FBXO3: variants seen among roughly 807,000 people sequenced by gnomAD.
FBXO3 encodes the protein F-box only protein 3.
In FBXO3, 17 loss-of-function variants were observed where a neutral mutation model predicts 64.8. The observed-to-expected ratio is 0.26, with a 90% CI of 0.18 to 0.39. The LOEUF is 0.39. Ranked by LOEUF, FBXO3 falls within the 10% of genes least tolerant of loss-of-function variation. The pLI, the probability that FBXO3 is intolerant of heterozygous loss-of-function variation, is 1.00. For missense variants in FBXO3, 420 were observed against 589.9 expected (o/e 0.71, Z 2.98); for synonymous variants, 182 against 201.6 (o/e 0.90, Z 0.82).
At chr11:33,749,098 A>C (rs1854888727) in intron 8 of FBXO3, among the ~76,000 whole-genome samples, 1 of 152,190 alleles carries the variant, frequency 6.6e-6, no homozygotes, top group African/African-American at 2.4e-5. Flanking sequence ...AAATGCTTTC[A>C]CTCAACTTAT....
rs1854745170 is a variant in FBXO3 at position 33,743,747 on chromosome 11, C to T, written c.1240-1663G>A. 6.6e-6 allele frequency: 1 copy of T among 152,306 alleles called. No homozygotes were observed. The highest frequency in any genetic ancestry group is 1.5e-5 in the Non-Finnish European group (1 of 68,090). 9.4% of individuals were successfully genotyped at this position (152,306 alleles called of 1,614,324 possible). On this transcript the variant is annotated intron_variant, in intron 10 of 10. Coordinates refer to ENST00000265651, the MANE Select transcript of FBXO3 (RefSeq NM_012175.4). This position sits in a 1 kb window ranked among gnomAD's most constrained non-coding sequence, Gnocchi z 4.6. ...ACATATCCACCTAATTCCCTCTGCT[C>T]CTTTCACGTTTCAGCTTAAATGTCA...
chr11:33,760,341 C>A (rs544395880), intron 3 of FBXO3, among the ~76,000 whole-genome samples: 1 of 152,106 alleles, frequency 6.6e-6, no homozygotes, highest in African/African-American at 2.4e-5. Flanking sequence ...GCTAAATTCT[C>A]TGCAGAAACA....
chr11:33,750,848 A>G (rs1564987594), intron 7 of FBXO3, among the ~76,000 whole-genome samples, 187 bp from the exon 8 acceptor site: 1 of 152,182 alleles, frequency 6.6e-6, no homozygotes, highest in African/African-American at 2.4e-5. Context: ...AACCTTGGTG[A>G]CTCTGGATCA....
chr11:33,756,304 C>G (rs1855095327), intron 4 of FBXO3, among the ~76,000 whole-genome samples: 1 of 152,148 alleles, frequency 6.6e-6, no homozygotes, highest in Non-Finnish European at 1.5e-5. Flanking sequence ...GTATGTGTGG[C>G]CAATTTAATG....
At chr11:33,750,189 C>T (rs1042404564) in intron 8 of FBXO3, among the ~76,000 whole-genome samples, 1 of 151,968 alleles carries the variant, frequency 6.6e-6, no homozygotes, top group Non-Finnish European at 1.5e-5. Flanking sequence ...TATAAATAGG[C>T]CAGATGAAAT....
chr11:33,755,993 T>A lies in FBXO3; in HGVS notation c.474-18A>T. 10 of 1,607,276 alleles carry A rather than the reference T, an allele frequency of 6.2e-6. No homozygotes were observed. The highest frequency in any genetic ancestry group is 7.7e-6 in the Non-Finnish European group (9 of 1,174,204). ...CCAATAACCTGAGGAGCATACAGAC[T>A]CAAACATGTAATACACGGCAGTGCC... On this transcript the variant is annotated intron_variant, in intron 4 of 10. Coordinates refer to ENST00000265651, the MANE Select transcript of FBXO3 (RefSeq NM_012175.4).
At chr11:33,762,692 T>A (rs1360134618) in intron 3 of FBXO3, among the ~76,000 whole-genome samples, 2 of 144,466 alleles carry the variant, frequency 1.4e-5, no homozygotes, top group African/African-American at 2.5e-5. Context: ...TAAGAAAGGC[T>A]GAAAATCTAT....
chr11:33,750,014 C>G (rs1362960929), intron 8 of FBXO3, among the ~76,000 whole-genome samples: 1 of 151,884 alleles, frequency 6.6e-6, no homozygotes, highest in East Asian at 1.9e-4. Context: ...GCACAGTATC[C>G]TTAATCCCTT....
At chr11:33,757,972 G>T (rs192667220) in intron 4 of FBXO3, among the ~76,000 whole-genome samples, 3,347 of 149,220 alleles carry the variant, frequency 0.022, 63 homozygotes, top group Non-Finnish European at 0.039. Context: ...AAAAAAAAAA[G>T]TTCCACAATA....
chr11:33,758,969 T>G (rs117108225), intron 3 of FBXO3, among the ~76,000 whole-genome samples: 3,408 of 151,926 alleles, frequency 0.022, 65 homozygotes, highest in Non-Finnish European at 0.039. Flanking sequence ...TCTAAACTGA[T>G]GTTATTTAAG....
chr11:33,768,800 T>C, intron 3 of FBXO3, 51 bp downstream of exon 3: 1 of 1,604,260 alleles, frequency 6.2e-7, no homozygotes, highest in Non-Finnish European at 8.5e-7. Flanking sequence ...AACTAACCTA[T>C]TTATACTAAC....
Position 33,747,254 on chromosome 11 carries a change from G to A in FBXO3, c.1115C>T (p.Thr372Ile). The A allele has an allele frequency of 1.2e-6, 2 of 1,613,478 alleles. No homozygotes were observed. The highest frequency in any genetic ancestry group is 1.7e-6 in the Non-Finnish European group (2 of 1,179,832). Residue 372 changes from threonine (T) to isoleucine (I), a missense_variant, in exon 10 of 11, where the codon ACA becomes ATA. Around this residue, in one of 3 missense-constraint regions of FBXO3, gnomAD observed 337 missense variants for 518.4 expected, o/e 0.65. Transcript: ENST00000265651. ...ATAATATCCTTCCATGTATCCTGAT[G>A]TTGTAGAGAATGTGGTACAGCTTGT... is the stretch of plus-strand genomic sequence containing the variant. The part of the protein sequence containing the change: ...EYTSCTTFST[T>I]SGYMEGYYTF...
At chr11:33,755,745 C>A in intron 5 of FBXO3, 26 bp downstream of exon 5, 1 of 1,553,606 alleles carries the variant, frequency 6.4e-7, no homozygotes, top group South Asian at 1.1e-5. Context: ...ATCTTAATGC[C>A]ATATTTAAAC....
intron 2 of FBXO3, among the ~76,000 whole-genome samples, chr11:33,769,389 A>G (rs560112259): frequency 6.6e-6 from 1 of 152,322 alleles, no homozygotes; most frequent in South Asian, 2.1e-4. Context: ...TTGTGATATA[A>G]TAATATTAAT....
intron 10 of FBXO3, 96 bp from the exon 11 acceptor site, chr11:33,742,180 G>A: frequency 8.5e-7 from 1 of 1,170,404 alleles, no homozygotes; most frequent in African/African-American, 1.6e-5. Context: ...CAAACAACCA[G>A]ACACGCCAAA....
chr11:33,770,244 G>T (rs1420551563), intron 2 of FBXO3, among the ~76,000 whole-genome samples: 2 of 152,140 alleles, frequency 1.3e-5, no homozygotes, highest in African/African-American at 4.8e-5. Flanking sequence ...TTAAACCTCT[G>T]CTTCTTACTT....
intron 7 of FBXO3, 144 bp downstream of exon 7, chr11:33,751,379 G>C: frequency 1.7e-6 from 1 of 583,664 alleles, no homozygotes; most frequent in Non-Finnish European, 3.0e-6. Context: ...AAAATAGTGA[G>C]ACTGAAGACA....
At chr11:33,749,465 A>G (rs966661933) in intron 8 of FBXO3, among the ~76,000 whole-genome samples, 4 of 150,986 alleles carry the variant, frequency 2.6e-5, no homozygotes, top group East Asian at 1.9e-4. Flanking sequence ...GGCTGAAGCC[A>G]TTCTTCCGCC....
chr11:33,771,949 G>C (rs1265635696), intron 1 of FBXO3: 1 of 152,202 alleles, frequency 6.6e-6, no homozygotes, highest in Admixed American at 6.5e-5. Flanking sequence ...CTGTTCTAGA[G>C]ATTCTGATCC....
Sources: allele counts gnomAD v4.1 joint callset (sites outside exome capture counted in the v4.1 genomes callset), GRCh38; gene constraint gnomAD v4.1.1; regional missense constraint gnomAD v4.1.1; non-coding constraint Gnocchi (gnomAD v3.1); transcripts MANE v1.5; gene names NCBI Gene and HGNC (gene_info 2026-07-23, HGNC 2026-07-21).